MB21D2: variants seen among roughly 807,000 people sequenced by gnomAD.
The protein encoded by MB21D2 is Mab-21 domain containing 2.
Under a neutral mutation model 33.3 loss-of-function variants are expected in MB21D2, and 9 were observed. The ratio of observed to expected loss-of-function variants is 0.27; its 90% CI spans 0.16 to 0.47. The LOEUF is 0.47. Among genes scored for constraint, MB21D2 ranks in the 20% least tolerant of loss-of-function variants. The pLI, the probability that MB21D2 is intolerant of heterozygous loss-of-function variation, is 0.99. For synonymous variants in MB21D2, 241 were observed against 236.3 expected (o/e 1.02, Z -0.18); for missense variants, 540 against 624.6 (o/e 0.86, Z 1.44).
chr3:192,799,598 C>G lies in MB21D2; in HGVS notation c.264G>C (p.Leu88Phe). 6.2e-7 allele frequency: 1 copy of G among 1,614,088 alleles called. No homozygotes were observed. Among genetic ancestry groups the G allele is most frequent in the Non-Finnish European group, 8.5e-7 (1 of 1,179,998 alleles). The change falls in exon 2 of 2, where the codon TTG becomes TTC. Residue 88 changes from leucine to phenylalanine, a missense_variant. Coordinates refer to ENST00000392452, the MANE Select transcript of MB21D2 (RefSeq NM_178496.4). This position sits in a 1 kb window ranked among gnomAD's most constrained non-coding sequence, Gnocchi z 4.1. The part of the protein sequence containing the change: ...QKLPVANEYL[L>F]LSGGVREGVV... ...CGCCTTCCCGGACACCTCCAGAGAG[C>G]AACAGGTATTCATTAGCCACTGGAA...
intron 1 of MB21D2, among the ~76,000 whole-genome samples, chr3:192,906,042 C>T (rs1379015344): frequency 6.6e-6 from 1 of 152,126 alleles, no homozygotes; most frequent in African/African-American, 2.4e-5. Context: ...TAAATCAAAT[C>T]AGATTATACA....
intron 1 of MB21D2, among the ~76,000 whole-genome samples, chr3:192,860,418 G>A (rs1052213618): frequency 1.7e-4 from 26 of 152,060 alleles, no homozygotes; most frequent in Non-Finnish European, 3.5e-4. Flanking sequence ...ATGTTGCAAA[G>A]ACTGATCTGG....
In MB21D2 at chr3:192,799,639, T is replaced by C; in HGVS notation, c.223A>G (p.Lys75Glu). 1 of 1,612,342 alleles carries C rather than the reference T, an allele frequency of 6.2e-7. No individual in the cohort carries two copies. Among genetic ancestry groups the C allele is most frequent in the Non-Finnish European group, 8.5e-7 (1 of 1,179,134 alleles). ...FIFSMLGMVQ[K>E]LDQKLPVANE... ...GCCACTGGAAGCTTTTGGTCCAGCT[T>C]TTGCACCATTCCTGGAAATAAAGAA... The change falls in exon 2 of 2, where the codon AAG becomes GAG. Residue 75 changes from lysine (K) to glutamate (E), a missense_variant. Coordinates refer to ENST00000392452, the MANE Select transcript of MB21D2 (RefSeq NM_178496.4). This position sits in a 1 kb window ranked among gnomAD's most constrained non-coding sequence, Gnocchi z 4.1.
At chr3:192,812,550 T>C (rs1711811569) in intron 1 of MB21D2, among the ~76,000 whole-genome samples, 1 of 152,186 alleles carries the variant, frequency 6.6e-6, no homozygotes, top group African/African-American at 2.4e-5. Context: ...ATACTTCGAC[T>C]GACAACACTG....
At chr3:192,831,720 T>C (rs931267135) in intron 1 of MB21D2, among the ~76,000 whole-genome samples, 2 of 152,096 alleles carry the variant, frequency 1.3e-5, no homozygotes, top group Non-Finnish European at 2.9e-5. Context: ...GGATGTACAA[T>C]TGTGAGAAAG....
intron 1 of MB21D2, among the ~76,000 whole-genome samples, chr3:192,889,163 TAC>T (rs1713796864): frequency 1.3e-5 from 2 of 152,080 alleles, no homozygotes. Flanking sequence ...CACACAAATA[TAC>T]AGTTAGTTCA....
At chr3:192,874,250 T>A (rs1274647178) in intron 1 of MB21D2, among the ~76,000 whole-genome samples, 1 of 152,148 alleles carries the variant, frequency 6.6e-6, no homozygotes, top group Non-Finnish European at 1.5e-5. Context: ...CCATTTACCA[T>A]GCAAAAGTTG....
chr3:192,857,218 C>CA (rs1234259661), intron 1 of MB21D2, among the ~76,000 whole-genome samples: 1 of 152,174 alleles, frequency 6.6e-6, no homozygotes, highest in Non-Finnish European at 1.5e-5. Context: ...CAGAGAGAAG[C>CA]AATTGAAGGC....
intron 1 of MB21D2, among the ~76,000 whole-genome samples, chr3:192,804,749 T>C (rs999444421): frequency 6.6e-6 from 1 of 152,114 alleles, no homozygotes; most frequent in African/African-American, 2.4e-5. Flanking sequence ...TTCTGATGCA[T>C]CCCCTAGGGT....
chr3:192,896,750 T>C (rs1713982493), intron 1 of MB21D2, among the ~76,000 whole-genome samples: 1 of 152,210 alleles, frequency 6.6e-6, no homozygotes, highest in African/African-American at 2.4e-5. Flanking sequence ...ATTGGCTAGT[T>C]ACTGAGTATC....
intron 1 of MB21D2, among the ~76,000 whole-genome samples, chr3:192,833,097 A>G (rs1301115381): frequency 6.6e-6 from 1 of 151,364 alleles, no homozygotes; most frequent in East Asian, 1.9e-4. Context: ...ATGTTAGGTC[A>G]TTTTTGTTGT....
intron 1 of MB21D2, among the ~76,000 whole-genome samples, chr3:192,866,880 C>T (rs565313533): frequency 3.6e-4 from 55 of 152,276 alleles, no homozygotes; most frequent in African/African-American, 1.2e-3. Context: ...CTCTCCCCTC[C>T]CGCTTCACAC....
chr3:192,858,765 A>G (rs1356176515), intron 1 of MB21D2, among the ~76,000 whole-genome samples: 1 of 152,200 alleles, frequency 6.6e-6, no homozygotes, highest in Non-Finnish European at 1.5e-5. Context: ...CTACTTGGAG[A>G]GGATATCCTC....
chr3:192,900,284 CAAAA>C (rs66984849), intron 1 of MB21D2, among the ~76,000 whole-genome samples: 38,319 of 90,326 alleles, frequency 0.42, 6,665 homozygotes, highest in Non-Finnish European at 0.54. Context: ...GACTCTGTCT[CAAAA>C]AAAAAAAAAA....
At chr3:192,833,994 A>G (rs759821335) in intron 1 of MB21D2, among the ~76,000 whole-genome samples, 1 of 152,158 alleles carries the variant, frequency 6.6e-6, no homozygotes, top group Non-Finnish European at 1.5e-5. Flanking sequence ...TGTCTCTGCT[A>G]CTGAACCAAG....
intron 1 of MB21D2, among the ~76,000 whole-genome samples, chr3:192,897,317 G>T (rs35941299): frequency 0.5 from 76,505 of 151,528 alleles, 19,421 homozygotes; most frequent in South Asian, 0.53. Flanking sequence ...CAAAGACCCA[G>T]GTTTCCTGAC....
intron 1 of MB21D2, among the ~76,000 whole-genome samples, chr3:192,800,251 C>A (rs1711527766): frequency 6.6e-6 from 1 of 151,214 alleles, no homozygotes; most frequent in Admixed American, 6.6e-5. Flanking sequence ...CACTGTTTGA[C>A]TTTTTTTTTA....
At chr3:192,863,666 T>C (rs931111682) in intron 1 of MB21D2, among the ~76,000 whole-genome samples, 4 of 152,170 alleles carry the variant, frequency 2.6e-5, no homozygotes, top group African/African-American at 9.7e-5. Context: ...AAAATTCACA[T>C]TGAAATCCTA....
intron 1 of MB21D2, among the ~76,000 whole-genome samples, chr3:192,827,413 CG>C (rs1288422284): frequency 6.6e-6 from 1 of 152,062 alleles, no homozygotes; most frequent in Non-Finnish European, 1.5e-5. Flanking sequence ...ACCTCCACGA[CG>C]GGAACAATGA....
Sources: gnomAD v4.1 joint callset for allele counts (sites outside exome capture counted in the v4.1 genomes callset) on GRCh38, gnomAD v4.1.1 for gene constraint, Gnocchi (gnomAD v3.1) non-coding constraint, MANE v1.5 for transcripts, NCBI Gene and HGNC (gene_info 2026-07-23, HGNC 2026-07-21) for gene names.